PCDH11X: variants seen among roughly 807,000 people sequenced by gnomAD.
PCDH11X encodes protocadherin 11 X-linked, also known as protocadherin-11 X-linked.
PCDH11X carries 18 observed loss-of-function variants against 53.3 expected under a neutral mutation model. The observed-to-expected ratio is 0.34, with a 90% CI of 0.23 to 0.50. PCDH11X has a LOEUF of 0.50. Ranked by LOEUF, PCDH11X falls within the 20% of genes least tolerant of loss-of-function variation. The pLI is 0.98. For missense variants in PCDH11X, 570 were observed against 1,032.4 expected, an observed-to-expected ratio of 0.55 and a Z score of 6.14; for synonymous variants, 279 against 393.3, an observed-to-expected ratio of 0.71 and a Z score of 3.44.
intron 7 of PCDH11X, among the ~76,000 whole-genome samples, chrX:92,226,756 CAG>C (rs772972975): frequency 5.7e-4 from 63 of 110,451 alleles, no homozygotes; most frequent in Middle Eastern, 4.7e-3. Flanking sequence ...AGGAGAACAC[CAG>C]AGAGAGACAT....
chrX:92,327,825 G>T (rs2069373905), intron 8 of PCDH11X, among the ~76,000 whole-genome samples: 1 of 97,413 alleles, frequency 1.0e-5, no homozygotes, highest in East Asian at 3.4e-4. Flanking sequence ...GATTATGCCT[G>T]TAAATATTTC....
At chrX:92,449,068 A>G (rs1394437967) in intron 9 of PCDH11X, among the ~76,000 whole-genome samples, 1 of 111,930 alleles carries the variant, frequency 8.9e-6, no homozygotes, top group African/African-American at 3.2e-5. Flanking sequence ...TACCAAGCTT[A>G]ACAAGTGTTT....
chrX:92,042,713 A>G (rs1466115664), intron 6 of PCDH11X, among the ~76,000 whole-genome samples: 1 of 89,431 alleles, frequency 1.1e-5, no homozygotes, highest in Non-Finnish European at 2.1e-5. Context: ...ATCTCAGCTC[A>G]TGCAACCTAC....
At chrX:92,224,006 G>A (rs1214155827) in intron 7 of PCDH11X, among the ~76,000 whole-genome samples, 1 of 111,400 alleles carries the variant, frequency 9.0e-6, no homozygotes, top group Admixed American at 9.6e-5. Flanking sequence ...GGATATTATC[G>A]AGGACCTCTT....
chrX:92,471,785 C>CT (rs1348383098), intron 10 of PCDH11X, among the ~76,000 whole-genome samples: 1 of 98,925 alleles, frequency 1.0e-5, no homozygotes, highest in Non-Finnish European at 2.0e-5. Flanking sequence ...TACTATTTGA[C>CT]TTTTTTGTAG....
intron 10 of PCDH11X, among the ~76,000 whole-genome samples, chrX:92,510,035 T>G (rs2074136098): frequency 9.4e-6 from 1 of 106,891 alleles, no homozygotes; most frequent in African/African-American, 3.3e-5. Flanking sequence ...GTTGTCCATC[T>G]TGACATTTTA....
At chrX:92,103,867 T>C (rs1374167171) in intron 6 of PCDH11X, among the ~76,000 whole-genome samples, 6 of 111,784 alleles carry the variant, frequency 5.4e-5, no homozygotes, top group African/African-American at 1.6e-4. Context: ...AATTAAGTCC[T>C]GTTGTGGGGT....
intron 6 of PCDH11X, among the ~76,000 whole-genome samples, chrX:91,980,969 A>G (rs983184888): frequency 2.3e-5 from 2 of 88,874 alleles, no homozygotes; most frequent in Admixed American, 2.5e-4. Context: ...ATATATATAT[A>G]TATACACTGA....
chrX:92,537,876 T>C (rs781489305), intron 10 of PCDH11X, among the ~76,000 whole-genome samples: 1 of 110,202 alleles, frequency 9.1e-6, no homozygotes, highest in East Asian at 2.9e-4. Context: ...AATTTGTTCA[T>C]CAGTTTTAAT....
intron 10 of PCDH11X, among the ~76,000 whole-genome samples, chrX:92,516,882 G>A (rs1301624555): frequency 8.9e-6 from 1 of 112,446 alleles, no homozygotes; most frequent in Non-Finnish European, 1.9e-5. Flanking sequence ...GCCATCTTCA[G>A]GACCATTGTA....
At chrX:91,925,109 G>A (rs1421543019) in intron 6 of PCDH11X, among the ~76,000 whole-genome samples, 2 of 109,898 alleles carry the variant, frequency 1.8e-5, no homozygotes, top group Non-Finnish European at 3.8e-5. Context: ...GTTACATTAT[G>A]ATAAACCCAC....
chrX:92,452,499 G>GT lies in PCDH11X; in HGVS notation c.3344-15783dup, dbSNP rs1268953024. 2.6e-3 allele frequency among the ~76,000 whole-genome samples: 92 copies of GT among 35,879 alleles called. 1 individual carries two copies. Among genetic ancestry groups the GT allele is most frequent in the Non-Finnish European group, 3.3e-3 (74 of 22,151 alleles). 31.2% of individuals were successfully genotyped at this position (35,879 alleles called of 115,157 possible). On this transcript the variant is annotated intron_variant, in intron 9 of 10. Transcript: ENST00000682573. ...TATATATATATATATATATATATAT[G>GT]TTTTTTTTTTTTTTTTTGAGATGGA...
intron 6 of PCDH11X, among the ~76,000 whole-genome samples, chrX:92,074,413 A>C (rs1383305343): frequency 9.0e-6 from 1 of 111,171 alleles, no homozygotes; most frequent in Non-Finnish European, 1.9e-5. Flanking sequence ...AATGCAAATG[A>C]ATTTATTTAT....
intron 6 of PCDH11X, among the ~76,000 whole-genome samples, chrX:92,013,697 G>A (rs887242354): frequency 4.9e-4 from 55 of 111,223 alleles, no homozygotes; most frequent in Non-Finnish European, 9.0e-4. Flanking sequence ...ATAGACCCAT[G>A]GAACAGAACA....
At chrX:92,552,994 C>CATGTGTGT (rs753893286) in intron 10 of PCDH11X, among the ~76,000 whole-genome samples, 1 of 88,903 alleles carries the variant, frequency 1.1e-5, no homozygotes. Flanking sequence ...CTGCAATTTT[C>CATGTGTGT]GTGTGTGTGT....
intron 5 of PCDH11X, among the ~76,000 whole-genome samples, chrX:91,837,671 C>T (rs1937352528): frequency 1.8e-5 from 2 of 111,437 alleles, no homozygotes; most frequent in African/African-American, 6.5e-5. Context: ...TTTGAACATG[C>T]TTTAAGACAT....
At chrX:91,821,348 T>C (rs982736776) in intron 4 of PCDH11X, among the ~76,000 whole-genome samples, 1 of 108,520 alleles carries the variant, frequency 9.2e-6, no homozygotes, top group African/African-American at 3.4e-5. Context: ...TTTTATTTCA[T>C]TGAGCAGTGG....
At chrX:92,328,243 G>A (rs1488642297) in intron 8 of PCDH11X, among the ~76,000 whole-genome samples, 2 of 110,725 alleles carry the variant, frequency 1.8e-5, no homozygotes, top group African/African-American at 3.3e-5. Context: ...TTGGGCCCTC[G>A]TAGTAAATTC....
At chrX:92,208,193 TA>T (rs66614821) in intron 7 of PCDH11X, among the ~76,000 whole-genome samples, 50 of 85,250 alleles carry the variant, frequency 5.9e-4, no homozygotes, top group East Asian at 1.8e-3. Flanking sequence ...AGACTCCATC[TA>T]AAAAAAAAAA....
Sources: gnomAD v4.1 joint callset for allele counts (sites outside exome capture counted in the v4.1 genomes callset) on GRCh38, gnomAD v4.1.1 for gene constraint, MANE v1.5 for transcripts, NCBI Gene and HGNC (gene_info 2026-07-23, HGNC 2026-07-21) for gene names.